Variants in SERGEF observed in about 807,000 individuals in gnomAD.
SERGEF encodes secretion regulating guanine nucleotide exchange factor, also known as secretion-regulating guanine nucleotide exchange factor.
Under a neutral mutation model 50.0 loss-of-function variants are expected in SERGEF, and 51 were observed. That is an observed-to-expected ratio of 1.02 (90% CI 0.81 to 1.29). The LOEUF (loss-of-function observed/expected upper bound fraction) is 1.29, where lower values mean the gene tolerates loss of function less well. Ranked by LOEUF, SERGEF falls within the 50% of genes most tolerant of loss-of-function variation. The pLI is 0.00. For missense variants in SERGEF, 521 were observed against 557.0 expected, an observed-to-expected ratio of 0.94 and a Z score of 0.65; for synonymous variants, 205 against 212.4, an observed-to-expected ratio of 0.97 and a Z score of 0.30.
At chr11:17,918,520 G>C (rs1038570623) in intron 9 of SERGEF, among the ~76,000 whole-genome samples, 2 of 152,042 alleles carry the variant, frequency 1.3e-5, no homozygotes, top group African/African-American at 4.8e-5. Flanking sequence ...CTCATTCAAA[G>C]ATTTACTGCC....
At chr11:17,962,897 G>A (rs1179785486) in intron 8 of SERGEF, among the ~76,000 whole-genome samples, 1 of 151,976 alleles carries the variant, frequency 6.6e-6, no homozygotes, top group Non-Finnish European at 1.5e-5. Context: ...AAAATCAAAA[G>A]GCGGCCAGGC....
chr11:18,011,696 A>T (rs1020925743), intron 1 of SERGEF, among the ~76,000 whole-genome samples: 102 of 152,318 alleles, frequency 6.7e-4, no homozygotes, highest in African/African-American at 2.4e-3. Context: ...AACCTTTAAT[A>T]TTCGGCTTTG....
At chr11:17,793,389 C>G (rs1186087521) in intron 10 of SERGEF, among the ~76,000 whole-genome samples, 2 of 152,200 alleles carry the variant, frequency 1.3e-5, no homozygotes, top group South Asian at 2.1e-4. Flanking sequence ...TGCAGCAGGA[C>G]ATCTTTCAGT....
intron 9 of SERGEF, among the ~76,000 whole-genome samples, chr11:17,903,996 TC>T (rs1851794947): frequency 6.6e-6 from 1 of 152,196 alleles, no homozygotes; most frequent in Non-Finnish European, 1.5e-5. Context: ...AAGTGCCAGA[TC>T]AGTTAGCCCA....
At chr11:17,856,344 T>A (rs546596782) in intron 10 of SERGEF, 24 of 152,434 alleles carry the variant, frequency 1.6e-4, no homozygotes, top group African/African-American at 4.3e-4. Context: ...TACACATTAC[T>A]TTGTTGACTT....
intron 10 of SERGEF, among the ~76,000 whole-genome samples, chr11:17,831,103 C>T (rs762534245): frequency 6.6e-6 from 1 of 152,184 alleles, no homozygotes; most frequent in Non-Finnish European, 1.5e-5. Flanking sequence ...AAAAAACTAT[C>T]TAAGGCAGAA....
At chr11:17,801,250 C>A (rs1424756422) in intron 10 of SERGEF, among the ~76,000 whole-genome samples, 1 of 150,692 alleles carries the variant, frequency 6.6e-6, no homozygotes, top group Non-Finnish European at 1.5e-5. Flanking sequence ...CCTTGGGATG[C>A]CAGGTGAGGA....
At chr11:17,979,255 G>GA (rs1299922645) in intron 8 of SERGEF, among the ~76,000 whole-genome samples, 4 of 152,186 alleles carry the variant, frequency 2.6e-5, no homozygotes, top group Non-Finnish European at 5.9e-5. Flanking sequence ...AAAACTGCCA[G>GA]GATTCCTCGC....
intron 9 of SERGEF, among the ~76,000 whole-genome samples, chr11:17,886,636 AC>A (rs200285630): frequency 2.0e-5 from 3 of 151,892 alleles, no homozygotes; most frequent in African/African-American, 4.8e-5. Flanking sequence ...AAACAAACAA[AC>A]AAAAAAACCT....
At chr11:17,816,173 T>C (rs1427701726) in intron 10 of SERGEF, among the ~76,000 whole-genome samples, 1 of 152,104 alleles carries the variant, frequency 6.6e-6, no homozygotes, top group Non-Finnish European at 1.5e-5. Context: ...CCTTTCCTGA[T>C]CCAGAAGTCT....
At chr11:17,925,486 T>C (rs941892586) in intron 9 of SERGEF, among the ~76,000 whole-genome samples, 1 of 152,182 alleles carries the variant, frequency 6.6e-6, no homozygotes, top group Non-Finnish European at 1.5e-5. Context: ...AGACCATACA[T>C]GACCACTTCT....
At chr11:17,811,761 T>C (rs1184953579) in intron 10 of SERGEF, among the ~76,000 whole-genome samples, 2 of 152,108 alleles carry the variant, frequency 1.3e-5, no homozygotes, top group African/African-American at 2.4e-5. Flanking sequence ...GTTATAAAGA[T>C]TGGAAGAGAA....
intron 10 of SERGEF, among the ~76,000 whole-genome samples, chr11:17,797,992 TGTG>T (rs1849600160): frequency 6.6e-6 from 1 of 151,794 alleles, no homozygotes; most frequent in Non-Finnish European, 1.5e-5. Context: ...GGAGAATTTG[TGTG>T]GTGGTGTGTG....
intron 9 of SERGEF, among the ~76,000 whole-genome samples, chr11:17,891,103 G>T (rs1159504377): frequency 6.6e-6 from 1 of 152,132 alleles, no homozygotes; most frequent in African/African-American, 2.4e-5. Flanking sequence ...CTGAAGGTTT[G>T]CTTACTAAAC....
intron 8 of SERGEF, among the ~76,000 whole-genome samples, chr11:17,979,048 G>A (rs1385108096): frequency 6.6e-6 from 1 of 152,228 alleles, no homozygotes; most frequent in Non-Finnish European, 1.5e-5. Context: ...CTCTAGCAGA[G>A]ATGACACAGC....
Position 17,884,690 on chromosome 11 carries a change from T to C in SERGEF, c.1012-6446A>G, listed in dbSNP as rs535985686. On this transcript the variant is annotated intron_variant, in intron 9 of 10. Coordinates refer to ENST00000265965, the MANE Select transcript of SERGEF (RefSeq NM_012139.4). This position sits in a 1 kb window ranked among gnomAD's most constrained non-coding sequence, Gnocchi z 4.6. The stretch of plus-strand genomic sequence containing the variant: ...ACTAAGATATCTTTAACTCTCTCTG[T>C]GGGCTTGAATTTGTATTTTATTTCA... Among the ~76,000 whole-genome samples the C allele has an allele frequency of 6.6e-6, 1 of 152,100 alleles. No homozygotes were observed. Among genetic ancestry groups the C allele is most frequent in the Non-Finnish European group, 1.5e-5 (1 of 68,012 alleles).
intron 10 of SERGEF, among the ~76,000 whole-genome samples, chr11:17,815,436 TAAAAAAAAAAAAAAAA>T (rs763972184): frequency 9.2e-6 from 1 of 108,368 alleles, no homozygotes; most frequent in Non-Finnish European, 1.8e-5. Context: ...CCATCTCTAC[TAAAAAAAAAAAAAAAA>T]AAAAATACAA....
intron 3 of SERGEF, among the ~76,000 whole-genome samples, chr11:18,005,705 T>A (rs1854059133): frequency 6.6e-6 from 1 of 152,144 alleles, no homozygotes; most frequent in Admixed American, 6.5e-5. Context: ...CAAAACTGCT[T>A]CAAGGGAACA....
At chr11:17,797,896 T>C (rs776764183) in intron 10 of SERGEF, among the ~76,000 whole-genome samples, 16 of 152,160 alleles carry the variant, frequency 1.1e-4, no homozygotes, top group Admixed American at 3.9e-4. Context: ...ACATAGCTGG[T>C]GCTCTGCCAC....
Sources: allele counts gnomAD v4.1 joint callset (sites outside exome capture counted in the v4.1 genomes callset), GRCh38; gene constraint gnomAD v4.1.1; non-coding constraint Gnocchi (gnomAD v3.1); transcripts MANE v1.5; gene names NCBI Gene and HGNC (gene_info 2026-07-23, HGNC 2026-07-21).